The following EMC2 variants were observed in gnomAD, a reference collection of about 807,000 sequenced individuals.
The protein encoded by EMC2 is ER membrane protein complex subunit 2, also known as TPR repeat protein 35.
In EMC2, 37 loss-of-function variants were observed where a neutral mutation model predicts 51.6. The ratio of observed to expected loss-of-function variants is 0.72; its 90% confidence interval spans 0.55 to 0.94. The LOEUF is 0.94. Among genes scored for constraint, EMC2 ranks in the 40% least tolerant of loss-of-function variants. The pLI, the probability that EMC2 is intolerant of heterozygous loss-of-function variation, is 0.00. For synonymous variants in EMC2, 131 were observed against 112.4 expected, an observed-to-expected ratio of 1.17 and a Z score of -1.04; for missense variants, 359 against 350.9, an observed-to-expected ratio of 1.02 and a Z score of -0.18.
At chr8:108,446,462 G>A (rs1442506451) in intron 1 of EMC2, among the ~76,000 whole-genome samples, 5 of 152,162 alleles carry the variant, frequency 3.3e-5, no homozygotes, top group Admixed American at 3.3e-4. Context: ...ATGGATAATA[G>A]CAGTGGAAAT....
At chr8:108,486,384 A>G in intron 10 of EMC2, 128 bp from the exon 11 acceptor site, 7 of 1,282,930 alleles carry the variant, frequency 5.5e-6, no homozygotes, top group Non-Finnish European at 7.2e-6. Context: ...AAAGCAAAGA[A>G]TATATTTGAT....
intron 7 of EMC2, chr8:108,470,836 T>C (rs930394758): frequency 1.3e-5 from 2 of 152,092 alleles, no homozygotes; most frequent in Non-Finnish European, 2.9e-5. Context: ...CATTGTTTCT[T>C]TTCCTTCTTT....
At chr8:108,448,327 C>T (rs1029690351) in intron 1 of EMC2, among the ~76,000 whole-genome samples, 1 of 152,158 alleles carries the variant, frequency 6.6e-6, no homozygotes, top group African/African-American at 2.4e-5. Flanking sequence ...AGTCCATGTT[C>T]TTTCCAGTAT....
At chr8:108,484,058 A>G (rs886516858) in intron 10 of EMC2, among the ~76,000 whole-genome samples, 4 of 152,112 alleles carry the variant, frequency 2.6e-5, no homozygotes, top group Non-Finnish European at 4.4e-5. Context: ...CTCGTCAATT[A>G]GGTAATTGGT....
rs1174711709 is a variant in EMC2 at position 108,450,401 on chromosome 8, T to C, written c.155-27T>C. The C allele has an allele frequency of 3.5e-6, 5 of 1,438,370 alleles. No homozygotes were observed. The South Asian group carries it at 5.9e-5, about 17-fold the overall frequency. The allele number at this position is 1,438,370 out of a possible 1,614,324, so 89.1% of individuals were successfully genotyped here. On this transcript the variant is annotated intron_variant, in intron 2 of 10. Coordinates refer to ENST00000220853, the MANE Select transcript of EMC2 (RefSeq NM_014673.5). ...GGGTTTGTTTTAATATTAAATTCAG[T>C]TTTTTTCCCCCTTTATGTGTATCTA...
chr8:108,452,412 C>G (rs1179946430), intron 3 of EMC2, among the ~76,000 whole-genome samples: 1 of 152,070 alleles, frequency 6.6e-6, no homozygotes, highest in African/African-American at 2.4e-5. Context: ...ACTAAAAATA[C>G]AAAAATGAGC....
intron 7 of EMC2, chr8:108,474,516 T>C (rs1034835934): frequency 2.4e-4 from 36 of 151,504 alleles, no homozygotes; most frequent in African/African-American, 8.5e-4. Context: ...AATTTAAAAA[T>C]GGAAAGGGCT....
chr8:108,452,508 A>G (rs1230478423), intron 3 of EMC2, among the ~76,000 whole-genome samples: 3 of 152,186 alleles, frequency 2.0e-5, no homozygotes, highest in Non-Finnish European at 2.9e-5. Context: ...TGGAGTTTGC[A>G]GTGAGCCAGG....
rs540772057 is a variant in EMC2, at chr8:108,485,509, AATT to A, written c.808-1001_808-999del. On this transcript the variant is annotated intron_variant, in intron 10 of 10. Coordinates refer to ENST00000220853, the MANE Select transcript of EMC2 (RefSeq NM_014673.5). ...TATATAAAATATATACATAATATAT[AATT>A]AATATATATACATATATATAATATA... 9.5e-3 allele frequency among the ~76,000 whole-genome samples: 1,318 copies of A among 138,116 alleles called. 11 individuals are homozygous for A. The highest frequency in any genetic ancestry group is 0.015 in the Non-Finnish European group (1,001 of 65,388). The allele number at this position is 138,116 out of a possible 152,430, so 90.6% of individuals were successfully genotyped here.
chr8:108,464,699 G>C (rs3802242), intron 5 of EMC2, among the ~76,000 whole-genome samples: 41,502 of 152,140 alleles, frequency 0.27, 5,861 homozygotes, highest in African/African-American at 0.3. Flanking sequence ...GCAGATTGCA[G>C]TGATGAGTAG....
Position 108,459,956 on chromosome 8 carries a change from A to T in EMC2, c.363+4026A>T, listed in dbSNP as rs569992302. Reference sequence around the variant, plus strand: ...TTTTTGAATGATTTCCTAATCTAACAATTCTAATAGCTTACTGTCTTAGTT... The same window carrying T: ...TTTTTGAATGATTTCCTAATCTAACTATTCTAATAGCTTACTGTCTTAGTT... On this transcript the variant is annotated intron_variant, in intron 5 of 10. Transcript: ENST00000220853. Among the ~76,000 whole-genome samples the T allele has an allele frequency of 9.8e-5, 15 of 152,328 alleles. No individual in the cohort carries two copies. In the South Asian group the frequency reaches 3.1e-3, roughly 32 times the overall value.
intron 4 of EMC2, 56 bp downstream of exon 4, chr8:108,453,203 ATTTT>A (rs552661997): frequency 7.6e-6 from 6 of 792,342 alleles, no homozygotes; most frequent in Non-Finnish European, 7.7e-6. Flanking sequence ...GGTGGTGTTA[ATTTT>A]TTTTTTTTTA....
intron 9 of EMC2, 27 bp downstream of exon 9, chr8:108,476,919 A>G (rs543443887): frequency 6.5e-5 from 70 of 1,070,786 alleles, no homozygotes; most frequent in Admixed American, 5.7e-4. Flanking sequence ...GTTTAATGTT[A>G]TTTTTAAAAA....
rs548475808 is a variant in EMC2 at position 108,479,085 on chromosome 8, C to G, written c.782C>G (p.Ala261Gly). 8.2e-6 allele frequency: 13 copies of G among 1,578,202 alleles called. No individual in the cohort carries two copies. The East Asian group carries it at 2.8e-4, about 34-fold the overall frequency. Residue 261 changes from alanine (A) to glycine (G), a missense_variant, in exon 10 of 11, where the codon GCT (alanine) becomes GGT (glycine). Physicochemically the swap from Ala to Gly is moderately conservative, Grantham distance 60. Coordinates refer to ENST00000220853, the MANE Select transcript of EMC2 (RefSeq NM_014673.5). ...AACATGAAATATGCTAGTTGGGCAG[C>G]TAGTCAAATAAACAGAGCTTATCAG... The part of the protein sequence containing the change: ...KDNMKYASWA[A>G]SQINRAYQFA...
At chr8:108,463,165 A>G (rs1375297004) in intron 5 of EMC2, among the ~76,000 whole-genome samples, 1 of 152,210 alleles carries the variant, frequency 6.6e-6, no homozygotes, top group African/African-American at 2.4e-5. Context: ...TTCTTAGAGA[A>G]TGGAGTATGA....
intron 5 of EMC2, 148 bp from the exon 6 acceptor site, chr8:108,469,678 G>T (rs982910320): frequency 3.3e-6 from 2 of 600,814 alleles, no homozygotes; most frequent in Admixed American, 6.0e-5. Flanking sequence ...GGGATGTCAT[G>T]GGGTATGTTT....
At position 108,476,194 on chromosome 8, in the gene EMC2, A is replaced by C. The variant is rs541077395; in HGVS notation, c.591+231A>C. Among the ~76,000 whole-genome samples, 4 of 151,838 alleles carry C rather than the reference A, an allele frequency of 2.6e-5. No individual in the cohort carries two copies. In the South Asian group the frequency reaches 8.3e-4, roughly 31 times the overall value. On this transcript the variant is annotated intron_variant, in intron 8 of 10. Transcript: ENST00000220853. Reference sequence around the variant, plus strand: ...CCTTGTATTTTTATATTTGTATACTATTTTCTTTCCTAATTATAAGTTATA... The same window carrying C: ...CCTTGTATTTTTATATTTGTATACTCTTTTCTTTCCTAATTATAAGTTATA...
chr8:108,445,390 C>T (rs1818854333), intron 1 of EMC2, among the ~76,000 whole-genome samples: 1 of 152,150 alleles, frequency 6.6e-6, no homozygotes, highest in African/African-American at 2.4e-5. Flanking sequence ...CCTATGCTGG[C>T]CTTTGTTGAA....
intron 1 of EMC2, among the ~76,000 whole-genome samples, chr8:108,445,964 G>A (rs1365681167): frequency 6.6e-6 from 1 of 152,084 alleles, no homozygotes; most frequent in Non-Finnish European, 1.5e-5. Context: ...GACCTTTTTA[G>A]AGAAGCCTTC....
Sources: gnomAD v4.1 joint callset for allele counts (sites outside exome capture counted in the v4.1 genomes callset) on GRCh38, gnomAD v4.1.1 for gene constraint, MANE v1.5 for transcripts, NCBI Gene and HGNC (gene_info 2026-07-23, HGNC 2026-07-21) for gene names.